RMST: variants seen among roughly 807,000 people sequenced by gnomAD.
The protein encoded by RMST is long intergenic non-protein coding RNA 54.
At chr12:97,526,259 A>G (rs1881101517) in intron 10 of RMST, among the ~76,000 whole-genome samples, 1 of 152,136 alleles carries the variant, frequency 6.6e-6, no homozygotes, top group Admixed American at 6.5e-5. Flanking sequence ...TGTTGGAGAC[A>G]GCTATAATAT....
At chr12:97,489,049 G>T (rs1876456134) in intron 5 of RMST, among the ~76,000 whole-genome samples, 1 of 152,150 alleles carries the variant, frequency 6.6e-6, no homozygotes, top group African/African-American at 2.4e-5. Context: ...TGCCATCGAG[G>T]TCAATTTGAC....
intron 10 of RMST, among the ~76,000 whole-genome samples, chr12:97,525,946 C>T (rs1881052493): frequency 6.6e-6 from 1 of 152,030 alleles, no homozygotes; most frequent in Admixed American, 6.6e-5. Flanking sequence ...CTGTTGTGAA[C>T]TGTGCATGCG....
chr12:97,533,562 T>A (rs1053574780), intron 11 of RMST: 2 of 151,878 alleles, frequency 1.3e-5, no homozygotes, highest in Admixed American at 6.6e-5. Flanking sequence ...TTTATTTTTC[T>A]CTGTTAAATT....
intron 4 of RMST, among the ~76,000 whole-genome samples, chr12:97,463,917 T>G (rs1565914012): frequency 6.6e-6 from 1 of 152,170 alleles, no homozygotes; most frequent in Non-Finnish European, 1.5e-5. Context: ...AAAATTAGAC[T>G]GTAGAGGATG....
At chr12:97,512,858 G>A (rs559971540) in intron 10 of RMST, among the ~76,000 whole-genome samples, 67 of 152,136 alleles carry the variant, frequency 4.4e-4, no homozygotes, top group Admixed American at 7.2e-4. Context: ...GGGAGGCTCC[G>A]GGCTGCACAG....
chr12:97,556,580 G>A (rs894536203), intron 11 of RMST, among the ~76,000 whole-genome samples: 2 of 152,134 alleles, frequency 1.3e-5, no homozygotes, highest in Non-Finnish European at 2.9e-5. Context: ...CTCATTTGTA[G>A]GACACACCAA....
At chr12:97,554,533 T>A (rs950627473) in intron 11 of RMST, among the ~76,000 whole-genome samples, 36 of 148,952 alleles carry the variant, frequency 2.4e-4, no homozygotes, top group African/African-American at 7.8e-4. Flanking sequence ...ACTTTTAATT[T>A]AAAAAAAAAA....
chr12:97,535,642 T>C (rs1166865358), intron 11 of RMST, among the ~76,000 whole-genome samples: 1 of 151,646 alleles, frequency 6.6e-6, no homozygotes, highest in African/African-American at 2.4e-5. Flanking sequence ...TCACCAAAGC[T>C]GTCTTTGGGA....
chr12:97,558,905 G>A (rs575919519), intron 11 of RMST, among the ~76,000 whole-genome samples: 1 of 152,280 alleles, frequency 6.6e-6, no homozygotes, highest in South Asian at 2.1e-4. Context: ...TCAAATCTAA[G>A]CAGAGTAGTA....
intron 11 of RMST, among the ~76,000 whole-genome samples, chr12:97,537,927 G>GC (rs1882195149): frequency 6.6e-6 from 1 of 151,298 alleles, no homozygotes. Context: ...CTCATTATGT[G>GC]CTTTGACAAT....
intron 10 of RMST, among the ~76,000 whole-genome samples, chr12:97,498,817 G>A (rs1322736070): frequency 1.3e-5 from 2 of 152,132 alleles, no homozygotes; most frequent in Non-Finnish European, 2.9e-5. Flanking sequence ...TCCACACGAA[G>A]ATCTAGATGA....
At chr12:97,515,222 G>C (rs1485953386) in intron 10 of RMST, among the ~76,000 whole-genome samples, 1 of 151,970 alleles carries the variant, frequency 6.6e-6, no homozygotes, top group Non-Finnish European at 1.5e-5. Flanking sequence ...TTCATAGTTA[G>C]GCCTAAACTA....
At chr12:97,463,017 G>GTCTCTCTCTTTCTCTCTC (rs1555228362) in intron 3 of RMST, 2 of 129,898 alleles carry the variant, frequency 1.5e-5, no homozygotes. Context: ...CAAGTCAGCA[G>GTCTCTCTCTTTCTCTCTC]TCTCTCTCTC....
At chr12:97,508,232 C>T (rs952466343) in intron 10 of RMST, among the ~76,000 whole-genome samples, 8 of 151,922 alleles carry the variant, frequency 5.3e-5, no homozygotes, top group Admixed American at 2.0e-4. Context: ...GTAAGGCTTT[C>T]GAGAAAGTGA....
intron 11 of RMST, among the ~76,000 whole-genome samples, chr12:97,553,692 G>A (rs1046410785): frequency 2.0e-5 from 3 of 152,062 alleles, no homozygotes; most frequent in Non-Finnish European, 4.4e-5. Context: ...ATGATGAATA[G>A]TTTGAAGCTT....
intron 10 of RMST, among the ~76,000 whole-genome samples, chr12:97,504,187 T>C (rs1878408695): frequency 1.3e-5 from 2 of 152,084 alleles, no homozygotes; most frequent in African/African-American, 4.8e-5. Flanking sequence ...GCAGATCACT[T>C]GAGGTCAGGA....
At chr12:97,505,675 G>A (rs1878588841) in intron 10 of RMST, among the ~76,000 whole-genome samples, 1 of 152,144 alleles carries the variant, frequency 6.6e-6, no homozygotes, top group South Asian at 2.1e-4. Context: ...GGTGGCTTCT[G>A]TTTTACTAAG....
intron 10 of RMST, among the ~76,000 whole-genome samples, chr12:97,517,247 A>C (rs1880029897): frequency 6.6e-6 from 1 of 151,988 alleles, no homozygotes; most frequent in Non-Finnish European, 1.5e-5. Flanking sequence ...AAAGGAAGCC[A>C]GCTTCTCCTT....
intron 11 of RMST, among the ~76,000 whole-genome samples, chr12:97,540,915 T>G (rs1307383183): frequency 6.7e-6 from 1 of 149,054 alleles, no homozygotes; most frequent in Non-Finnish European, 1.5e-5. Context: ...ATCCATAGAT[T>G]AGATAGATAA....
Sources: allele counts gnomAD v4.1 joint callset (sites outside exome capture counted in the v4.1 genomes callset), GRCh38; gene constraint gnomAD v4.1.1; transcripts MANE v1.5; gene names NCBI Gene and HGNC (gene_info 2026-07-23, HGNC 2026-07-21).